Variants in EFCAB5 observed in about 807,000 individuals in gnomAD.
EFCAB5 encodes the protein EF-hand calcium-binding domain-containing protein 5.
In EFCAB5, 131 loss-of-function variants were observed where a neutral mutation model predicts 167.9. That is an observed-to-expected ratio of 0.78 (90% confidence interval 0.68 to 0.90). EFCAB5 has a LOEUF of 0.90. Ranked by LOEUF, EFCAB5 falls within the 40% of genes least tolerant of loss-of-function variation. EFCAB5 has a pLI of 0.00. For synonymous variants in EFCAB5, 574 were observed against 602.8 expected (o/e 0.95, Z 0.70); for missense variants, 1,663 against 1,745.2 (o/e 0.95, Z 0.84).
At chr17:30,023,777 C>A (rs553827073) in intron 7 of EFCAB5, among the ~76,000 whole-genome samples, 119 of 152,226 alleles carry the variant, frequency 7.8e-4, no homozygotes, top group African/African-American at 2.8e-3. Context: ...ATGCAAAAAT[C>A]CTGAATAAAA....
At position 29,969,267 on chromosome 17, in the gene EFCAB5, C is replaced by G. The variant is rs777129675; in HGVS notation, c.667C>G (p.Pro223Ala). The change falls in exon 4 of 23, where the codon CCT becomes GCT. Residue 223 changes from proline (P) to alanine (A), a missense_variant. Coordinates refer to ENST00000394835, the MANE Select transcript of EFCAB5 (RefSeq NM_198529.4). ...YLGEYLIRNN[P>A]NYIKDPGMSG... is the part of the protein sequence containing the mutation. ...GGGGGAATATTTAATAAGAAACAAT[C>G]CTAATTATATCAAAGACCCAGGAAT... 49 of 1,613,500 alleles carry G rather than the reference C, an allele frequency of 3.0e-5. No homozygotes were observed. In the South Asian group the frequency reaches 5.3e-4, roughly 17 times the overall value.
At chr17:30,017,828 AC>A (rs2069083073) in intron 7 of EFCAB5, among the ~76,000 whole-genome samples, 1 of 152,108 alleles carries the variant, frequency 6.6e-6, no homozygotes, top group Non-Finnish European at 1.5e-5. Context: ...ATCCAGATTT[AC>A]ACTATTCACC....
chr17:29,987,365 G>A (rs190714731), intron 4 of EFCAB5, among the ~76,000 whole-genome samples: 6 of 152,214 alleles, frequency 3.9e-5, no homozygotes, highest in Admixed American at 2.0e-4. Flanking sequence ...TAGATGTCTC[G>A]ATCGCACCCA....
chr17:30,079,613 G>C (rs1035889787), intron 15 of EFCAB5, among the ~76,000 whole-genome samples: 1 of 152,276 alleles, frequency 6.6e-6, no homozygotes, highest in Non-Finnish European at 1.5e-5. Context: ...TATACAAAGT[G>C]TGTTAAGAGT....
At chr17:30,045,649 G>A (rs189677429) in intron 8 of EFCAB5, among the ~76,000 whole-genome samples, 141 of 151,712 alleles carry the variant, frequency 9.3e-4, no homozygotes, top group Non-Finnish European at 1.7e-3. Flanking sequence ...GAATGGACTG[G>A]GCACAGTGGC....
chr17:30,061,584 C>CA (rs1555568384), intron 14 of EFCAB5, among the ~76,000 whole-genome samples: 1 of 151,766 alleles, frequency 6.6e-6, no homozygotes, highest in African/African-American at 2.4e-5. Context: ...CCCTCCCCAC[C>CA]TTTTTTTTAG....
chr17:29,985,973 T>A (rs544996180), intron 4 of EFCAB5, among the ~76,000 whole-genome samples: 2 of 152,290 alleles, frequency 1.3e-5, no homozygotes, highest in Non-Finnish European at 2.9e-5. Flanking sequence ...GTAGTCAGGA[T>A]CTGCATCTAC....
At chr17:29,960,775 G>T (rs962746963) in intron 3 of EFCAB5, among the ~76,000 whole-genome samples, 3 of 151,878 alleles carry the variant, frequency 2.0e-5, no homozygotes, top group Non-Finnish European at 2.9e-5. Context: ...CAATTTTTTT[G>T]GATATATACA....
upstream of EFCAB5, among the ~76,000 whole-genome samples, chr17:29,939,328 CA>C (rs919010281): frequency 3.9e-5 from 6 of 152,134 alleles, no homozygotes; most frequent in African/African-American, 1.2e-4. Flanking sequence ...AGAGTACAGG[CA>C]GAATAGATTT....
At chr17:30,101,903 A>G (rs1253059248) in intron 22 of EFCAB5, among the ~76,000 whole-genome samples, 1 of 152,236 alleles carries the variant, frequency 6.6e-6, no homozygotes, top group Non-Finnish European at 1.5e-5. Flanking sequence ...CTGTTGTTAG[A>G]GTAACCATAC....
In EFCAB5 at chr17:30,028,384, G is replaced by C. The variant is rs1019346962; in HGVS notation, c.1045-5846G>C. On this transcript the variant is annotated intron_variant, in intron 7 of 22. Coordinates refer to ENST00000394835, the MANE Select transcript of EFCAB5 (RefSeq NM_198529.4). ...TCTGTCTCTAGTTCATCTGTATCTT[G>C]TATTTTTTGCTTGTTTTGCTCATTT... Among the ~76,000 whole-genome samples the C allele has an allele frequency of 2.6e-5, 4 of 152,026 alleles. No individual in the cohort carries two copies. The South Asian group carries it at 8.3e-4, about 31-fold the overall frequency.
chr17:30,076,569 G>T (rs1352854277), intron 14 of EFCAB5, among the ~76,000 whole-genome samples: 1 of 152,248 alleles, frequency 6.6e-6, no homozygotes, highest in Non-Finnish European at 1.5e-5. Context: ...TTTGTTAATT[G>T]TCAAATAAAT....
At position 30,055,972 on chromosome 17, in the gene EFCAB5, C is replaced by T; in HGVS notation, c.2272+7C>T. ...GAAGGAAAGTCATGGTCAGGTAACTCCTCATTTAATCCTCCTTTCATTTAT... is the reference window on the plus strand; with the variant it reads ...GAAGGAAAGTCATGGTCAGGTAACTTCTCATTTAATCCTCCTTTCATTTAT... On this transcript the variant is annotated splice_region_variant and intron_variant, in intron 11 of 22. Transcript: ENST00000394835. 6.2e-7 allele frequency: 1 copy of T among 1,613,594 alleles called. No homozygotes were observed. The highest frequency in any genetic ancestry group is 1.7e-4 in the Middle Eastern group (1 of 6,056).
intron 2 of EFCAB5, among the ~76,000 whole-genome samples, chr17:29,943,115 A>G (rs1050884446): frequency 1.3e-5 from 2 of 151,948 alleles, no homozygotes; most frequent in Non-Finnish European, 2.9e-5. Context: ...TTTTGTTGCT[A>G]TTCATAAAAT....
intron 14 of EFCAB5, 33 bp downstream of exon 14, chr17:30,059,734 G>A: frequency 6.5e-7 from 1 of 1,530,206 alleles, no homozygotes; most frequent in South Asian, 1.3e-5. Flanking sequence ...TTTAAACTGT[G>A]GTAATTAACT....
chr17:30,049,810 T>A (rs1393873289), intron 8 of EFCAB5, among the ~76,000 whole-genome samples: 1 of 152,354 alleles, frequency 6.6e-6, no homozygotes, highest in East Asian at 1.9e-4. Context: ...AATTTGGCTA[T>A]AACTAATAAA....
intron 14 of EFCAB5, among the ~76,000 whole-genome samples, chr17:30,068,177 T>C (rs1301118669): frequency 2.6e-5 from 4 of 151,896 alleles, no homozygotes; most frequent in Non-Finnish European, 5.9e-5. Flanking sequence ...GGTGGCACGC[T>C]TGTAGCCCCA....
intron 8 of EFCAB5, among the ~76,000 whole-genome samples, chr17:30,037,210 C>G (rs1308374684): frequency 4.6e-5 from 7 of 152,114 alleles, no homozygotes; most frequent in Non-Finnish European, 8.8e-5. Context: ...AAGATACTCC[C>G]TTTCACTCCT....
At position 30,107,829 on chromosome 17, in the gene EFCAB5, T is replaced by C; in HGVS notation, c.4322-5T>C. Reference sequence around the variant, plus strand: ...TCTTACTTTTCTTTTTTTTTCCTGATGCAGATCATTCCCGAACTGAAGTAT... The same window carrying C: ...TCTTACTTTTCTTTTTTTTTCCTGACGCAGATCATTCCCGAACTGAAGTAT... On this transcript the variant is annotated splice_region_variant and splice_polypyrimidine_tract_variant and intron_variant, in intron 22 of 22. Transcript: ENST00000394835. The C allele has an allele frequency of 1.3e-6, 2 of 1,541,224 alleles. No individual in the cohort carries two copies. Among genetic ancestry groups the C allele is most frequent in the Non-Finnish European group, 1.7e-6 (2 of 1,150,950 alleles).
Sources: gnomAD v4.1 joint callset for allele counts (sites outside exome capture counted in the v4.1 genomes callset) on GRCh38, gnomAD v4.1.1 for gene constraint, MANE v1.5 for transcripts, NCBI Gene and HGNC (gene_info 2026-07-23, HGNC 2026-07-21) for gene names.